The following ZNF521 variants were observed in gnomAD, a reference collection of about 807,000 sequenced individuals.
ZNF521 encodes the protein LYST-interacting protein 3.
ZNF521 carries 14 observed loss-of-function variants against 105.5 expected under a neutral mutation model. The observed-to-expected ratio is 0.13, with a 90% CI of 0.09 to 0.21. The LOEUF is 0.21. ZNF521 is among the 10% of genes least tolerant of loss of function. The probability of loss-of-function intolerance (pLI) is 1.00; values close to 1 mark genes in which losing one functional copy is unlikely to be tolerated. For missense variants in ZNF521, 1,233 were observed against 1,629.7 expected, an observed-to-expected ratio of 0.76 and a Z score of 4.19; for synonymous variants, 635 against 606.0, an observed-to-expected ratio of 1.05 and a Z score of -0.70.
intron 2 of ZNF521, among the ~76,000 whole-genome samples, chr18:25,333,844 G>A (rs1271598522): frequency 6.6e-6 from 1 of 152,236 alleles, no homozygotes; most frequent in Non-Finnish European, 1.5e-5. Context: ...TACAGGCAGT[G>A]TGGTATTACC....
intron 3 of ZNF521, among the ~76,000 whole-genome samples, chr18:25,246,544 C>T (rs1217506934): frequency 1.3e-5 from 2 of 152,114 alleles, no homozygotes; most frequent in Non-Finnish European, 2.9e-5. Context: ...ATCAAAACCC[C>T]AAAATGTAGC....
intron 5 of ZNF521, among the ~76,000 whole-genome samples, chr18:25,117,743 A>C (rs972212158): frequency 6.6e-6 from 1 of 152,110 alleles, no homozygotes; most frequent in Admixed American, 6.5e-5. Context: ...AAATGAACAG[A>C]GCCTCAATAA....
chr18:25,188,219 C>T (rs1270815589), intron 5 of ZNF521, among the ~76,000 whole-genome samples: 1 of 152,146 alleles, frequency 6.6e-6, no homozygotes, highest in Non-Finnish European at 1.5e-5. Flanking sequence ...TGTGAGATAC[C>T]TTGCAATCTT....
At chr18:25,143,663 T>C (rs1307180952) in intron 5 of ZNF521, among the ~76,000 whole-genome samples, 1 of 152,154 alleles carries the variant, frequency 6.6e-6, no homozygotes, top group Non-Finnish European at 1.5e-5. Flanking sequence ...TTCTATTATT[T>C]TATACATTTC....
chr18:25,307,602 A>C (rs1912051611), intron 3 of ZNF521, among the ~76,000 whole-genome samples: 1 of 152,140 alleles, frequency 6.6e-6, no homozygotes, highest in Admixed American at 6.5e-5. Flanking sequence ...TATGGCTTCC[A>C]ATGGTCCCTA....
chr18:25,062,823 T>G, intron 7 of ZNF521, 82 bp from the exon 8 acceptor site: 1 of 1,305,160 alleles, frequency 7.7e-7, no homozygotes, highest in South Asian at 1.4e-5. Flanking sequence ...GATTTCATTT[T>G]CATCAGACCA....
chr18:25,085,307 T>C (rs2033596664), intron 7 of ZNF521, among the ~76,000 whole-genome samples: 1 of 151,460 alleles, frequency 6.6e-6, no homozygotes, highest in Non-Finnish European at 1.5e-5. Flanking sequence ...TATATATCTG[T>C]ATATGTAGAA....
chr18:25,212,556 T>A (rs1379979600), intron 4 of ZNF521, among the ~76,000 whole-genome samples: 4 of 119,024 alleles, frequency 3.4e-5, no homozygotes, highest in Non-Finnish European at 5.0e-5. Flanking sequence ...TATATATATA[T>A]ATATATATAT....
intron 2 of ZNF521, among the ~76,000 whole-genome samples, chr18:25,349,956 G>C (rs990266948): frequency 1.3e-5 from 2 of 151,712 alleles, no homozygotes; most frequent in Non-Finnish European, 2.9e-5. Context: ...CTCCGCCTCG[G>C]AGCGCCGGAC....
intron 2 of ZNF521, among the ~76,000 whole-genome samples, chr18:25,336,355 T>C (rs1395127541): frequency 6.6e-6 from 1 of 152,214 alleles, no homozygotes; most frequent in African/African-American, 2.4e-5. Flanking sequence ...GGATTATTAA[T>C]AAATCTGCTA....
intron 3 of ZNF521, among the ~76,000 whole-genome samples, chr18:25,278,633 T>C (rs897447774): frequency 6.6e-6 from 1 of 152,220 alleles, no homozygotes; most frequent in African/African-American, 2.4e-5. Flanking sequence ...CTTGCTCAGG[T>C]TGTTTATCTT....
At chr18:25,351,501 C>G (rs138013745) in intron 1 of ZNF521, 36 of 146,954 alleles carry the variant, frequency 2.4e-4, no homozygotes, top group African/African-American at 8.1e-4. Context: ...GATTTGTTTA[C>G]AAAGCGAGTC....
At position 25,225,691 on chromosome 18, in the gene ZNF521, C is replaced by A. The variant is rs1600178108; in HGVS notation, c.2227G>T (p.Val743Leu). Residue 743 changes from valine to leucine, a missense_variant, in exon 4 of 8, where the codon GTG (valine) becomes TTG (leucine). Physicochemically the swap from Val to Leu is conservative, Grantham distance 32. Around this residue, in one of 6 missense-constraint regions of ZNF521, gnomAD observed 614 missense variants for 751.5 expected, o/e 0.82. Coordinates refer to ENST00000361524, the MANE Select transcript of ZNF521 (RefSeq NM_015461.3). The surrounding 1 kb of genome is among the most constrained non-coding windows in gnomAD (Gnocchi z 5.6). The stretch of plus-strand genomic sequence containing the variant: ...ACTTTCTTTTCGTTACTGTGCTTCA[C>A]AGCCAAGTGGAGCTGAATGGAGACT... The part of the protein sequence containing the change: ...SKVSIQLHLA[V>L]KHSNEKKVYR... The A allele has an allele frequency of 6.2e-7, 1 of 1,614,208 alleles. No individual in the cohort carries two copies.
At chr18:25,132,037 C>T (rs891856474) in intron 5 of ZNF521, among the ~76,000 whole-genome samples, 2 of 152,024 alleles carry the variant, frequency 1.3e-5, no homozygotes, top group Non-Finnish European at 2.9e-5. Flanking sequence ...CCTCTCCCTA[C>T]CCAAGATTCT....
chr18:25,257,496 T>A (rs1408429263), intron 3 of ZNF521, among the ~76,000 whole-genome samples: 1 of 152,176 alleles, frequency 6.6e-6, no homozygotes, highest in Non-Finnish European at 1.5e-5. Context: ...TAGATTTCTA[T>A]ACTGTTTCCT....
rs914962556 is a variant in ZNF521 at position 25,226,052 on chromosome 18, T to A, written c.1866A>T (p.Ala622=). The stretch of plus-strand genomic sequence containing the variant: ...TGGGACGTGCAGGTGCACCTCCTAC[T>A]GCCTGCATCATCTTAAGAGATGTCT... The part of the protein sequence containing the change: ...IEQTSLKMMQ[A]VGGAPARPTG... The change falls in exon 4 of 8, where the codon GCA becomes GCT. Residue 622 remains alanine (A), a synonymous_variant. Transcript: ENST00000361524. This position sits in a 1 kb window ranked among gnomAD's most constrained non-coding sequence, Gnocchi z 4.1. 1.9e-6 allele frequency: 3 copies of A among 1,614,228 alleles called. No homozygotes were observed. The highest frequency in any genetic ancestry group is 2.5e-6 in the Non-Finnish European group (3 of 1,180,032).
intron 3 of ZNF521, among the ~76,000 whole-genome samples, chr18:25,253,723 T>C (rs1424816677): frequency 6.6e-6 from 1 of 152,102 alleles, no homozygotes; most frequent in Non-Finnish European, 1.5e-5. Flanking sequence ...ATAAAAAATA[T>C]GGTTAATAAG....
At chr18:25,268,272 T>C (rs557762506) in intron 3 of ZNF521, among the ~76,000 whole-genome samples, 1 of 152,020 alleles carries the variant, frequency 6.6e-6, no homozygotes, top group African/African-American at 2.4e-5. Context: ...CCCCAAGAAA[T>C]ATGAGACTAT....
At chr18:25,244,798 G>A (rs993743560) in intron 3 of ZNF521, among the ~76,000 whole-genome samples, 1 of 152,158 alleles carries the variant, frequency 6.6e-6, no homozygotes, top group Non-Finnish European at 1.5e-5. Flanking sequence ...ACTGCTGTTA[G>A]GTTTCTGTCT....
Sources: allele counts gnomAD v4.1 joint callset (sites outside exome capture counted in the v4.1 genomes callset), GRCh38; gene constraint gnomAD v4.1.1; regional missense constraint gnomAD v4.1.1; non-coding constraint Gnocchi (gnomAD v3.1); transcripts MANE v1.5; gene names NCBI Gene and HGNC (gene_info 2026-07-23, HGNC 2026-07-21).